Variants in ARHGAP6 observed in about 807,000 individuals in gnomAD.
The protein encoded by ARHGAP6 is Rho GTPase activating protein 6.
A neutral mutation model predicts 55.7 loss-of-function variants in ARHGAP6; 16 were observed. The ratio of observed to expected loss-of-function variants is 0.29; its 90% CI spans 0.19 to 0.44. The LOEUF (loss-of-function observed/expected upper bound fraction) is 0.44. Among genes scored for constraint, ARHGAP6 ranks in the 20% least tolerant of loss-of-function variants. The pLI is 1.00. For synonymous variants in ARHGAP6, 382 were observed against 360.9 expected (o/e 1.06, Z -0.66); for missense variants, 698 against 808.9 (o/e 0.86, Z 1.66).
At chrX:11,570,499 AGTGCT>A (rs751983861) in intron 1 of ARHGAP6, among the ~76,000 whole-genome samples, 58 of 110,996 alleles carry the variant, frequency 5.2e-4, no homozygotes, top group African/African-American at 1.8e-3. Context: ...GAAATTATTG[AGTGCT>A]TACAGTGTCC....
intron 1 of ARHGAP6, among the ~76,000 whole-genome samples, chrX:11,452,824 A>G (rs2050156261): frequency 9.0e-6 from 1 of 111,377 alleles, no homozygotes; most frequent in Non-Finnish European, 1.9e-5. Flanking sequence ...GTCCAAGGGC[A>G]GAAAGCTCAC....
rs201516366 is a variant in ARHGAP6 at position 11,351,343 on chromosome X, A to G, written c.589-96636T>C. On this transcript the variant is annotated intron_variant, in intron 1 of 12. Coordinates refer to ENST00000337414, the MANE Select transcript of ARHGAP6 (RefSeq NM_013427.3). ...CTACTATATTAAAATAAACATTCATATCATATAACTAAATACACGTGACCT... is the reference window on the plus strand; with the variant it reads ...CTACTATATTAAAATAAACATTCATGTCATATAACTAAATACACGTGACCT... The G allele has an allele frequency of 4.2e-6, 4 of 958,725 alleles. No individual in the cohort carries two copies. The East Asian group carries it at 2.3e-4, about 55-fold the overall frequency. The allele number at this position is 958,725 out of a possible 1,213,427, so 79.0% of individuals were successfully genotyped here.
intron 1 of ARHGAP6, among the ~76,000 whole-genome samples, chrX:11,635,392 G>T (rs1478981196): frequency 1.8e-5 from 2 of 111,147 alleles, no homozygotes; most frequent in Non-Finnish European, 3.8e-5. Flanking sequence ...TGTATTCTAT[G>T]AGATTTTTTT....
chrX:11,282,872 G>A (rs2147536547), intron 1 of ARHGAP6, among the ~76,000 whole-genome samples: 1 of 112,315 alleles, frequency 8.9e-6, no homozygotes, highest in Non-Finnish European at 1.9e-5. Context: ...TGAAGCCAGA[G>A]GCGACACTTC....
chrX:11,615,603 G>A (rs1486661744), intron 1 of ARHGAP6, among the ~76,000 whole-genome samples: 2 of 111,786 alleles, frequency 1.8e-5, no homozygotes, highest in Non-Finnish European at 3.8e-5. Context: ...CCACAGACAG[G>A]AAAACAAAAC....
chrX:11,555,482 C>T (rs2051311335), intron 1 of ARHGAP6, among the ~76,000 whole-genome samples: 1 of 111,074 alleles, frequency 9.0e-6, no homozygotes. Flanking sequence ...GACAGGGCGT[C>T]GTGGCTCACA....
chrX:11,591,426 T>G (rs2051833751), intron 1 of ARHGAP6, among the ~76,000 whole-genome samples: 1 of 109,465 alleles, frequency 9.1e-6, no homozygotes, highest in Admixed American at 9.8e-5. Flanking sequence ...ATTTAAAGCC[T>G]CTATTATTAA....
chrX:11,579,240 C>A (rs376036052), intron 1 of ARHGAP6, among the ~76,000 whole-genome samples: 6 of 110,957 alleles, frequency 5.4e-5, no homozygotes, highest in Middle Eastern at 9.3e-3. Context: ...TTTAGAGAAA[C>A]GTTTGGACGA....
intron 1 of ARHGAP6, among the ~76,000 whole-genome samples, chrX:11,305,401 A>G (rs1174681959): frequency 8.9e-6 from 1 of 112,487 alleles, no homozygotes; most frequent in African/African-American, 3.2e-5. Flanking sequence ...CAAAATTTTT[A>G]AAAACCGTCC....
chrX:11,455,841 C>G lies in ARHGAP6; in HGVS notation c.589-201134G>C, dbSNP rs959280807. Among the ~76,000 whole-genome samples, 7 of 112,045 alleles carry G rather than the reference C, an allele frequency of 6.2e-5. No homozygotes were observed. In the East Asian group the frequency reaches 1.9e-3, roughly 31 times the overall value. On this transcript the variant is annotated intron_variant, in intron 1 of 12. Transcript: ENST00000337414. ...CTTAAAATCTTTTGATCTATTTTCT[C>G]ACTTCTATAATGGAGATGATAATAC...
At chrX:11,473,179 G>A (rs959562770) in intron 1 of ARHGAP6, among the ~76,000 whole-genome samples, 3 of 111,414 alleles carry the variant, frequency 2.7e-5, no homozygotes, top group Non-Finnish European at 5.7e-5. Context: ...TTCCAGAGAA[G>A]AGCCTAGGGG....
chrX:11,287,272 T>C (rs148888146), intron 1 of ARHGAP6, among the ~76,000 whole-genome samples: 3,944 of 111,757 alleles, frequency 0.035, 177 homozygotes, highest in African/African-American at 0.12. Context: ...TTTAAAGACT[T>C]ATCTATTTCC....
At chrX:11,529,987 T>G (rs768754580) in intron 1 of ARHGAP6, among the ~76,000 whole-genome samples, 4 of 111,734 alleles carry the variant, frequency 3.6e-5, no homozygotes, top group African/African-American at 9.8e-5. Flanking sequence ...AGGTATGGAT[T>G]TGCCACTTCA....
chrX:11,476,561 G>T (rs948665359), intron 1 of ARHGAP6, among the ~76,000 whole-genome samples: 1 of 111,111 alleles, frequency 9.0e-6, no homozygotes, highest in African/African-American at 3.3e-5. Context: ...CTGGTTTCAA[G>T]ATTTACTATA....
chrX:11,390,953 C>T (rs901250336), intron 1 of ARHGAP6, among the ~76,000 whole-genome samples: 39 of 111,833 alleles, frequency 3.5e-4, no homozygotes, highest in Non-Finnish European at 6.8e-4. Context: ...ACCCAGACAT[C>T]GCATTACTGG....
chrX:11,174,618 C>CTTTCT (rs1373843776), intron 8 of ARHGAP6, among the ~76,000 whole-genome samples: 5 of 52,854 alleles, frequency 9.5e-5, no homozygotes, highest in Non-Finnish European at 1.5e-4. Context: ...CTTTCTTTCT[C>CTTTCT]TTTCTTTTCT....
chrX:11,522,817 C>A (rs2050946288), intron 1 of ARHGAP6, among the ~76,000 whole-genome samples: 1 of 111,745 alleles, frequency 8.9e-6, no homozygotes, highest in Non-Finnish European at 1.9e-5. Flanking sequence ...CAAGGAGGAG[C>A]TGGTACCATT....
intron 10 of ARHGAP6, among the ~76,000 whole-genome samples, chrX:11,155,185 T>C (rs1195706185): frequency 8.9e-6 from 1 of 112,609 alleles, no homozygotes; most frequent in Non-Finnish European, 1.9e-5. Flanking sequence ...TCTGCAATAA[T>C]CATGAGTGAA....
At chrX:11,208,807 G>A (rs2046746391) in intron 2 of ARHGAP6, among the ~76,000 whole-genome samples, 1 of 111,919 alleles carries the variant, frequency 8.9e-6, no homozygotes, top group African/African-American at 3.2e-5. Context: ...CCAGGGTTGG[G>A]GGAGCTCCCT....
Sources: allele counts gnomAD v4.1 joint callset (sites outside exome capture counted in the v4.1 genomes callset), GRCh38; gene constraint gnomAD v4.1.1; transcripts MANE v1.5; gene names NCBI Gene and HGNC (gene_info 2026-07-23, HGNC 2026-07-21).